The following MANBA variants were observed in gnomAD, a reference collection of about 807,000 sequenced individuals.
The protein encoded by MANBA is beta-mannosidase.
A neutral mutation model predicts 111.1 loss-of-function variants in MANBA; 83 were observed. That is an observed-to-expected ratio of 0.75 (90% CI 0.63 to 0.90). The LOEUF (loss-of-function observed/expected upper bound fraction) is 0.90, where lower values mean the gene tolerates loss of function less well. Among genes scored for constraint, MANBA ranks in the 40% least tolerant of loss-of-function variants. The probability of loss-of-function intolerance (pLI) is 0.00; values close to 1 mark genes in which losing one functional copy is unlikely to be tolerated. For synonymous variants in MANBA, 370 were observed against 378.7 expected, an observed-to-expected ratio of 0.98 and a Z score of 0.27; for missense variants, 1,036 against 1,069.0, an observed-to-expected ratio of 0.97 and a Z score of 0.43.
intron 8 of MANBA, 146 bp downstream of exon 8, chr4:102,673,773 T>C: frequency 1.4e-6 from 1 of 721,420 alleles, no homozygotes; most frequent in Non-Finnish European, 2.4e-6. Context: ...TAAAATCCTG[T>C]CCATTCTGAA....
At chr4:102,649,111 T>G (rs2110201794) in intron 13 of MANBA, among the ~76,000 whole-genome samples, 1 of 152,304 alleles carries the variant, frequency 6.6e-6, no homozygotes, top group Non-Finnish European at 1.5e-5. Context: ...CTGTGGAGTA[T>G]TCCACTGTAT....
intron 1 of MANBA, among the ~76,000 whole-genome samples, chr4:102,733,234 C>CTAAG (rs1277797029): frequency 1.3e-5 from 2 of 152,144 alleles, no homozygotes; most frequent in African/African-American, 4.8e-5. Context: ...GTCACTCATG[C>CTAAG]TAAGTACCAC....
intron 6 of MANBA, 33 bp from the exon 7 acceptor site, chr4:102,689,717 G>T: frequency 1.7e-6 from 2 of 1,188,698 alleles, no homozygotes; most frequent in Non-Finnish European, 2.5e-6. Context: ...ACTCTAATAT[G>T]TCATATTTTC....
chr4:102,640,008 A>G (rs1729810335), intron 13 of MANBA, 151 bp from the exon 14 acceptor site: 3 of 793,928 alleles, frequency 3.8e-6, no homozygotes, highest in Non-Finnish European at 6.3e-6. Flanking sequence ...TTAGGAATAC[A>G]TTATACTAGA....
intron 14 of MANBA, among the ~76,000 whole-genome samples, 196 bp downstream of exon 14, chr4:102,639,517 T>G (rs187109084): frequency 6.6e-6 from 1 of 152,170 alleles, no homozygotes; most frequent in Non-Finnish European, 1.5e-5. Context: ...CATAATTAGG[T>G]TGACCCTAAG....
intron 4 of MANBA, among the ~76,000 whole-genome samples, chr4:102,720,326 T>C (rs1399653918): frequency 6.6e-6 from 1 of 151,964 alleles, no homozygotes; most frequent in African/African-American, 2.4e-5. Context: ...TCCTAGCTAC[T>C]TGGGAGGCTG....
At chr4:102,675,376 A>C (rs1033354021) in intron 7 of MANBA, among the ~76,000 whole-genome samples, 7 of 152,216 alleles carry the variant, frequency 4.6e-5, no homozygotes, top group Non-Finnish European at 8.8e-5. Flanking sequence ...ACTGTGATGT[A>C]GCTCTGCGGC....
chr4:102,755,904 C>A (rs577373173), intron 1 of MANBA, among the ~76,000 whole-genome samples: 3,060 of 152,220 alleles, frequency 0.02, 127 homozygotes, highest in African/African-American at 0.071. Flanking sequence ...CAGAGAAATG[C>A]AAATCAAAAC....
At chr4:102,695,261 CA>C (rs1732656140) in intron 5 of MANBA, among the ~76,000 whole-genome samples, 1 of 147,102 alleles carries the variant, frequency 6.8e-6, no homozygotes, top group Non-Finnish European at 1.5e-5. Flanking sequence ...GGAGGGGGGA[CA>C]AAAAGCCAAA....
chr4:102,756,313 T>C (rs1478116032), intron 1 of MANBA, among the ~76,000 whole-genome samples: 1 of 152,208 alleles, frequency 6.6e-6, no homozygotes, highest in African/African-American at 2.4e-5. Flanking sequence ...GATGAGTTCA[T>C]GTCCTTTGTA....
chr4:102,637,908 G>A (rs374349777), intron 14 of MANBA, among the ~76,000 whole-genome samples: 22 of 152,286 alleles, frequency 1.4e-4, no homozygotes, highest in Middle Eastern at 3.4e-3. Flanking sequence ...CCAGACTTGC[G>A]ACTGCTGTCT....
intron 1 of MANBA, chr4:102,751,958 G>T (rs963882676): frequency 2.9e-6 from 2 of 698,776 alleles, no homozygotes; most frequent in Admixed American, 1.8e-5. Context: ...TGCTGCAGAG[G>T]TCATGCTGGA....
intron 16 of MANBA, chr4:102,633,307 C>T (rs1578854057): frequency 2.5e-6 from 1 of 398,686 alleles, no homozygotes; most frequent in Non-Finnish European, 4.4e-6. Context: ...GTTCATGCGG[C>T]TCATGCCAGC....
intron 7 of MANBA, among the ~76,000 whole-genome samples, chr4:102,682,080 G>C (rs1459385424): frequency 6.8e-6 from 1 of 147,352 alleles, no homozygotes; most frequent in Admixed American, 6.9e-5. Context: ...CTGGGAGGCA[G>C]AAGTTGCAGT....
chr4:102,664,209 T>G (rs2110216022), intron 11 of MANBA, among the ~76,000 whole-genome samples: 1 of 152,242 alleles, frequency 6.6e-6, no homozygotes, highest in East Asian at 1.9e-4. Context: ...CTCCAAAAAG[T>G]CCACAGCCCA....
At chr4:102,679,566 T>A (rs1055097872) in intron 7 of MANBA, 1 of 152,154 alleles carries the variant, frequency 6.6e-6, no homozygotes, top group South Asian at 2.1e-4. Flanking sequence ...TATATAATGG[T>A]ATGCTATAGT....
Position 102,636,241 on chromosome 4 carries a change from A to T in MANBA, c.2015-234T>A, listed in dbSNP as rs148828948. ...AACGAACCAGGGCAGGCATTAACGA[A>T]CCATGCTGTTAGGCAATTTCATCAT... is the stretch of plus-strand genomic sequence containing the variant. On this transcript the variant is annotated intron_variant, in intron 14 of 16. Coordinates refer to ENST00000647097, the MANE Select transcript of MANBA (RefSeq NM_005908.4). Among the ~76,000 whole-genome samples, 1,798 of 152,312 alleles carry T rather than the reference A, an allele frequency of 0.012. 15 individuals are homozygous for T. Among genetic ancestry groups the T allele is most frequent in the Middle Eastern group, 0.041 (12 of 294 alleles).
At chr4:102,709,436 A>AAAGG (rs70937565) in intron 5 of MANBA, among the ~76,000 whole-genome samples, 61,504 of 147,664 alleles carry the variant, frequency 0.42, 14,394 homozygotes, top group African/African-American at 0.62. Context: ...AGAGAGAGAG[A>AAAGG]AAGGAAGGAA....
At position 102,690,751 on chromosome 4, in the gene MANBA, T is replaced by G; in HGVS notation, c.694A>C (p.Asn232His). Residue 232 changes from asparagine to histidine, a missense_variant, in exon 6 of 17, where the codon AAT (asparagine) becomes CAT (histidine). Physicochemically the swap from Asn to His is moderately conservative, Grantham distance 68. Transcript: ENST00000647097. The stretch of plus-strand genomic sequence containing the variant: ...TCAAATGTAGACTCTATTTCCAGAT[T>G]CCACTCCTGGGCACTCTTATCTAAA... ...PIYDKSAQEW[N>H]LEIESTFDVV... 6.4e-7 allele frequency: 1 copy of G among 1,568,528 alleles called. No homozygotes were observed. The highest frequency in any genetic ancestry group is 8.7e-7 in the Non-Finnish European group (1 of 1,151,960).
Sources: allele counts gnomAD v4.1 joint callset (sites outside exome capture counted in the v4.1 genomes callset), GRCh38; gene constraint gnomAD v4.1.1; transcripts MANE v1.5; gene names NCBI Gene and HGNC (gene_info 2026-07-23, HGNC 2026-07-21).